Variants in INTS6 observed in about 807,000 individuals in gnomAD.
INTS6 encodes the protein DEAD box protein.
INTS6 carries 16 observed loss-of-function variants against 104.9 expected under a neutral mutation model. The ratio of observed to expected loss-of-function variants is 0.15; its 90% CI spans 0.10 to 0.23. The LOEUF (loss-of-function observed/expected upper bound fraction) is 0.23. Ranked by LOEUF, INTS6 falls within the 10% of genes least tolerant of loss-of-function variation. INTS6 has a pLI of 1.00. For synonymous variants in INTS6, 324 were observed against 358.7 expected (o/e 0.90, Z 1.09); for missense variants, 584 against 1,062.8 (o/e 0.55, Z 6.26).
chr13:51,440,834 C>G (rs1487923631), intron 3 of INTS6: 1 of 152,186 alleles, frequency 6.6e-6, no homozygotes, highest in Non-Finnish European at 1.5e-5. Context: ...CACAACAGAT[C>G]TGCCTAATGG....
At chr13:51,335,081 A>G in the INTS6 span, among the ~76,000 whole-genome samples, 1 of 152,174 alleles carries the variant, frequency 6.6e-6, no homozygotes, top group African/African-American at 2.4e-5. Flanking sequence ...AGAGCTCAGA[A>G]CATACCCATG....
At chr13:51,367,359 T>G (rs1038470292) in intron 17 of INTS6, among the ~76,000 whole-genome samples, 2 of 152,072 alleles carry the variant, frequency 1.3e-5, no homozygotes, top group Non-Finnish European at 2.9e-5. Flanking sequence ...AATGTACTAA[T>G]GATCCTGGGC....
chr13:51,355,104 CT>C, intron 3 of INTS6: 3 of 1,549,412 alleles, frequency 1.9e-6, no homozygotes, highest in Non-Finnish European at 2.6e-6. Flanking sequence ...AGTCACCGAT[CT>C]TTTTGATCCA....
intron 15 of INTS6, among the ~76,000 whole-genome samples, chr13:51,370,174 C>T (rs914078765): frequency 1.3e-5 from 2 of 152,210 alleles, no homozygotes; most frequent in Non-Finnish European, 2.9e-5. Context: ...ATATTCTCTA[C>T]AACAACTTAT....
chr13:51,420,497 T>A (rs1191092815), intron 4 of INTS6, among the ~76,000 whole-genome samples: 1 of 152,018 alleles, frequency 6.6e-6, no homozygotes, highest in Non-Finnish European at 1.5e-5. Context: ...ACTCAAAACA[T>A]CTCTGGAGAA....
At chr13:51,409,393 A>T (rs1956641672) in intron 4 of INTS6, among the ~76,000 whole-genome samples, 1 of 151,438 alleles carries the variant, frequency 6.6e-6, no homozygotes, top group Non-Finnish European at 1.5e-5. Context: ...TCTTATTTCA[A>T]TTACAAACTA....
Position 51,452,686 on chromosome 13 carries a change from C to T in INTS6, c.-161G>A, listed in dbSNP as rs1953090441. ...TTTCCTCCGGCTGCGGGGAGTTTCTCCCCCGATAGTTGAGAGGAAACTCCC... is the reference window on the plus strand; with the variant it reads ...TTTCCTCCGGCTGCGGGGAGTTTCTTCCCCGATAGTTGAGAGGAAACTCCC... On this transcript the variant is annotated 5_prime_UTR_variant, in exon 1 of 18. Transcript: ENST00000311234. This position sits in a 1 kb window ranked among gnomAD's most constrained non-coding sequence, Gnocchi z 4.2. The T allele has an allele frequency of 1.4e-6, 2 of 1,396,296 alleles. No individual in the cohort carries two copies. Among genetic ancestry groups the T allele is most frequent in the Non-Finnish European group, 1.9e-6 (2 of 1,074,850 alleles). 86.5% of individuals were successfully genotyped at this position (1,396,296 alleles called of 1,614,324 possible).
intron 3 of INTS6, chr13:51,446,240 G>A (rs926761888): frequency 1.3e-5 from 2 of 152,146 alleles, no homozygotes; most frequent in African/African-American, 2.4e-5. Flanking sequence ...ATTTTAAAAC[G>A]GGCAAAGGAC....
intron 5 of INTS6, among the ~76,000 whole-genome samples, chr13:51,391,338 C>G (rs184286926): frequency 6.6e-6 from 1 of 151,972 alleles, no homozygotes; most frequent in African/African-American, 2.4e-5. Context: ...ATTAAGAAAA[C>G]ATAAGCAAAT....
intron 13 of INTS6, among the ~76,000 whole-genome samples, chr13:51,375,733 G>GT (rs1555283815): frequency 1.4e-4 from 16 of 117,804 alleles, no homozygotes; most frequent in African/African-American, 2.5e-4. Context: ...TTTGATAAGT[G>GT]GGTGTGTGTG....
chr13:51,375,923 T>C, intron 13 of INTS6, 125 bp downstream of exon 13: 1 of 735,660 alleles, frequency 1.4e-6, no homozygotes, highest in Non-Finnish European at 2.0e-6. Flanking sequence ...CTTCATTTGT[T>C]TGAACTTACA....
chr13:51,378,130 G>GT, intron 12 of INTS6, 109 bp downstream of exon 12: 1 of 787,886 alleles, frequency 1.3e-6, no homozygotes, highest in Non-Finnish European at 2.2e-6. Flanking sequence ...GAGTACAGAA[G>GT]TACTCTTTAA....
rs1955591222 is a variant in INTS6 at position 51,362,146 on chromosome 13, T to C, written c.*3606A>G. The C allele has an allele frequency of 8.9e-7, 1 of 1,127,444 alleles. No individual in the cohort carries two copies. Among genetic ancestry groups the C allele is most frequent in the Non-Finnish European group, 1.2e-6 (1 of 843,266 alleles). 69.8% of individuals were successfully genotyped at this position (1,127,444 alleles called of 1,614,324 possible). A position where few individuals can be genotyped will look rare whatever the true frequency, so the allele number is the denominator to read the frequency against. ...TATATAGTTAATGTAGATTTTTTTT[T>C]TTAATGCTATAGGTTTCTACTTCTG... On this transcript the variant is annotated 3_prime_UTR_variant, in exon 18 of 18. Transcript: ENST00000311234.
downstream of INTS6, among the ~76,000 whole-genome samples, chr13:51,360,450 T>C (rs996933727): frequency 6.6e-6 from 1 of 152,056 alleles, no homozygotes; most frequent in Admixed American, 6.6e-5. Flanking sequence ...ATTTCCTAAG[T>C]TTCTTCTGGT....
At chr13:51,394,935 A>G (rs1413059138) in intron 5 of INTS6, among the ~76,000 whole-genome samples, 2 of 152,196 alleles carry the variant, frequency 1.3e-5, no homozygotes, top group Non-Finnish European at 1.5e-5. Context: ...AACCAAGCAT[A>G]CCTCATCAAA....
chr13:51,427,264 C>T (rs1045353310), intron 4 of INTS6, among the ~76,000 whole-genome samples: 1 of 152,078 alleles, frequency 6.6e-6, no homozygotes, highest in African/African-American at 2.4e-5. Flanking sequence ...CATTCATACA[C>T]TGAATAAATC....
chr13:51,402,332 C>T (rs1250893046), intron 4 of INTS6, among the ~76,000 whole-genome samples: 1 of 152,130 alleles, frequency 6.6e-6, no homozygotes, highest in Non-Finnish European at 1.5e-5. Flanking sequence ...GGAGAACACA[C>T]TCAAGTAACC....
At chr13:51,419,089 A>AC (rs138619758) in intron 4 of INTS6, among the ~76,000 whole-genome samples, 1,730 of 152,306 alleles carry the variant, frequency 0.011, 26 homozygotes, top group East Asian at 0.071. Flanking sequence ...GTAGCATGTC[A>AC]CAATTCATTC....
At chr13:51,406,704 G>C (rs1315420280) in intron 4 of INTS6, among the ~76,000 whole-genome samples, 1 of 151,970 alleles carries the variant, frequency 6.6e-6, no homozygotes, top group African/African-American at 2.4e-5. Context: ...ATATTACTCA[G>C]CATGGTCTGG....
Sources: allele counts gnomAD v4.1 joint callset (sites outside exome capture counted in the v4.1 genomes callset), GRCh38; gene constraint gnomAD v4.1.1; non-coding constraint Gnocchi (gnomAD v3.1); transcripts MANE v1.5; gene names NCBI Gene and HGNC (gene_info 2026-07-23, HGNC 2026-07-21).